The following PLXDC2 variants were observed in gnomAD, a reference collection of about 807,000 sequenced individuals.
The protein encoded by PLXDC2 is plexin domain containing 2.
A neutral mutation model predicts 68.9 loss-of-function variants in PLXDC2; 40 were observed. The observed-to-expected ratio is 0.58, with a 90% CI of 0.45 to 0.76. The LOEUF is 0.76. Among genes scored for constraint, PLXDC2 ranks in the 30% least tolerant of loss-of-function variants. PLXDC2 has a pLI of 0.00. For missense variants in PLXDC2, 644 were observed against 661.9 expected (o/e 0.97, Z 0.30); for synonymous variants, 243 against 234.2 (o/e 1.04, Z -0.34).
At chr10:19,949,475 G>A (rs766347481) in intron 1 of PLXDC2, among the ~76,000 whole-genome samples, 4 of 152,154 alleles carry the variant, frequency 2.6e-5, no homozygotes, top group Admixed American at 2.6e-4. Flanking sequence ...ACTACTAATA[G>A]GAATAGGAGG....
At chr10:20,012,275 G>GA (rs1196361681) in intron 2 of PLXDC2, among the ~76,000 whole-genome samples, 2 of 147,476 alleles carry the variant, frequency 1.4e-5, no homozygotes, top group Non-Finnish European at 3.0e-5. Context: ...AGATAGATAA[G>GA]GGGATAAGAG....
chr10:20,250,846 G>T (rs79443026), intron 13 of PLXDC2, among the ~76,000 whole-genome samples: 5,050 of 152,218 alleles, frequency 0.033, 107 homozygotes, highest in Non-Finnish European at 0.044. Flanking sequence ...TGCTATTGTT[G>T]TCTATTTTTA....
At chr10:20,181,438 A>G (rs1295883847) in intron 9 of PLXDC2, among the ~76,000 whole-genome samples, 2 of 152,074 alleles carry the variant, frequency 1.3e-5, no homozygotes, top group African/African-American at 4.8e-5. Context: ...AATTAGGCAA[A>G]CAAAGTCAGA....
intron 6 of PLXDC2, among the ~76,000 whole-genome samples, chr10:20,155,253 T>C (rs533647507): frequency 3.9e-5 from 6 of 152,278 alleles, no homozygotes; most frequent in African/African-American, 1.4e-4. Flanking sequence ...CCTGAAAGTA[T>C]TGAAAGATGA....
At chr10:20,145,801 C>A (rs1054045718) in intron 5 of PLXDC2, among the ~76,000 whole-genome samples, 1 of 152,108 alleles carries the variant, frequency 6.6e-6, no homozygotes, top group African/African-American at 2.4e-5. Flanking sequence ...GATCCGCCTG[C>A]CTCGGCCTCT....
chr10:19,986,660 G>A (rs185741049), intron 1 of PLXDC2, among the ~76,000 whole-genome samples: 8 of 152,282 alleles, frequency 5.3e-5, no homozygotes, highest in Admixed American at 1.3e-4. Context: ...CCAGAGCAGT[G>A]TTTTGGGAGT....
intron 13 of PLXDC2, among the ~76,000 whole-genome samples, chr10:20,263,797 A>G (rs1835838518): frequency 1.3e-5 from 2 of 152,206 alleles, no homozygotes; most frequent in Non-Finnish European, 2.9e-5. Context: ...CAGAATGGCT[A>G]TGATTAAAAA....
chr10:19,925,152 C>T (rs371984957), intron 1 of PLXDC2, among the ~76,000 whole-genome samples: 14 of 152,252 alleles, frequency 9.2e-5, no homozygotes, highest in South Asian at 2.1e-4. Context: ...ATCAAAGTGC[C>T]GGAGAAGGTC....
intron 6 of PLXDC2, among the ~76,000 whole-genome samples, chr10:20,162,065 AGAGAGAGAAGGAAGGAAG>A (rs1281019050): frequency 1.6e-3 from 82 of 50,420 alleles, no homozygotes; most frequent in East Asian, 2.5e-3. Context: ...AGAGAGAGAG[AGAGAGAGAAGGAAGGAAG>A]GAAGGAAGGA....
At chr10:20,095,084 A>T (rs2131733835) in intron 4 of PLXDC2, among the ~76,000 whole-genome samples, 1 of 152,344 alleles carries the variant, frequency 6.6e-6, no homozygotes, top group South Asian at 2.1e-4. Flanking sequence ...TGTAAAAAGA[A>T]ACAGGCACAA....
At position 20,215,901 on chromosome 10, in the gene PLXDC2, G is replaced by C. The variant is rs547813701; in HGVS notation, c.1123-1525G>C. On this transcript the variant is annotated intron_variant, in intron 10 of 13. Coordinates refer to ENST00000377252, the MANE Select transcript of PLXDC2 (RefSeq NM_032812.9). ...GTTTTAGGTAAAGTGGAGAGAGCTT[G>C]AAATTCATACTGAGCATAATGGGAG... Among the ~76,000 whole-genome samples the C allele has an allele frequency of 2.8e-4, 42 of 152,200 alleles. 1 individual carries two copies. In the South Asian group the frequency reaches 7.7e-3, roughly 28 times the overall value.
chr10:19,821,498 T>C (rs1460099841), intron 1 of PLXDC2, among the ~76,000 whole-genome samples: 2 of 152,206 alleles, frequency 1.3e-5, no homozygotes. Flanking sequence ...CTCTCTCTCA[T>C]GTATTCTATT....
At chr10:19,931,534 T>G (rs1833633999) in intron 1 of PLXDC2, among the ~76,000 whole-genome samples, 1 of 152,242 alleles carries the variant, frequency 6.6e-6, no homozygotes, top group South Asian at 2.1e-4. Flanking sequence ...CAGCAAATCT[T>G]TTTTGAAAGG....
At chr10:19,975,620 G>A (rs756545940) in intron 1 of PLXDC2, among the ~76,000 whole-genome samples, 1 of 152,136 alleles carries the variant, frequency 6.6e-6, no homozygotes, top group African/African-American at 2.4e-5. Flanking sequence ...TTAGAGCTGA[G>A]AAGTTTCAGA....
At chr10:20,267,628 T>A (rs993991805) in intron 13 of PLXDC2, among the ~76,000 whole-genome samples, 15 of 152,118 alleles carry the variant, frequency 9.9e-5, no homozygotes, top group Non-Finnish European at 2.1e-4. Context: ...ATTCCTTTAT[T>A]TCCCACTCCT....
intron 13 of PLXDC2, among the ~76,000 whole-genome samples, chr10:20,256,324 G>C (rs1490006199): frequency 6.6e-6 from 1 of 151,570 alleles, no homozygotes; most frequent in East Asian, 2.0e-4. Flanking sequence ...GTAGAGACGG[G>C]ATTTTACCAT....
intron 1 of PLXDC2, among the ~76,000 whole-genome samples, chr10:19,873,406 CTTTTTTTTTT>C (rs1049862345): frequency 1.7e-5 from 2 of 115,660 alleles, no homozygotes; most frequent in Admixed American, 9.2e-5. Flanking sequence ...TCTTCTTCGT[CTTTTTTTTTT>C]TTTTTTTTTT....
chr10:19,945,742 G>T (rs995261476), intron 1 of PLXDC2, among the ~76,000 whole-genome samples: 7 of 152,132 alleles, frequency 4.6e-5, no homozygotes, highest in Non-Finnish European at 1.0e-4. Context: ...ATTGCCTCTG[G>T]ATAGCAGCGA....
intron 1 of PLXDC2, among the ~76,000 whole-genome samples, chr10:19,865,752 T>C (rs1161898081): frequency 6.6e-6 from 1 of 152,210 alleles, no homozygotes; most frequent in Non-Finnish European, 1.5e-5. Context: ...ATTAATGTAG[T>C]AGTAAGCATA....
Sources: gnomAD v4.1 joint callset for allele counts (sites outside exome capture counted in the v4.1 genomes callset) on GRCh38, gnomAD v4.1.1 for gene constraint, MANE v1.5 for transcripts, NCBI Gene and HGNC (gene_info 2026-07-23, HGNC 2026-07-21) for gene names.